The following NIPSNAP2 variants were observed in gnomAD, a reference collection of about 807,000 sequenced individuals.
The protein encoded by NIPSNAP2 is nipsnap homolog 2.
Under a neutral mutation model 48.4 loss-of-function variants are expected in NIPSNAP2, and 42 were observed. The ratio of observed to expected loss-of-function variants is 0.87; its 90% CI spans 0.68 to 1.12. NIPSNAP2 has a LOEUF of 1.12. NIPSNAP2 is among the 50% of genes most tolerant of loss of function. The pLI is 0.00. For missense variants in NIPSNAP2, 314 were observed against 347.3 expected, an observed-to-expected ratio of 0.90 and a Z score of 0.76; for synonymous variants, 158 against 126.6, an observed-to-expected ratio of 1.25 and a Z score of -1.67.
intron 7 of NIPSNAP2, among the ~76,000 whole-genome samples, chr7:55,994,670 G>A (rs1217694201): frequency 6.6e-6 from 1 of 152,168 alleles, no homozygotes; most frequent in African/African-American, 2.4e-5. Context: ...CTGAGATTGT[G>A]TCACTGCACT....
chr7:55,977,892 C>G (rs1335239037), intron 1 of NIPSNAP2, among the ~76,000 whole-genome samples: 1 of 152,162 alleles, frequency 6.6e-6, no homozygotes, highest in African/African-American at 2.4e-5. Flanking sequence ...TTGAAAAACA[C>G]ATAGTGCAAA....
At chr7:55,967,915 G>A (rs1584336506) in intron 1 of NIPSNAP2, among the ~76,000 whole-genome samples, 1 of 151,604 alleles carries the variant, frequency 6.6e-6, no homozygotes, top group African/African-American at 2.4e-5. Flanking sequence ...CTCCCAAAGT[G>A]CTGGCATTAC....
chr7:55,985,418 C>G (rs1414798237), intron 7 of NIPSNAP2, among the ~76,000 whole-genome samples: 2 of 152,022 alleles, frequency 1.3e-5, no homozygotes, highest in Admixed American at 1.3e-4. Context: ...GAATCCCTAT[C>G]AAACTCCCAG....
At chr7:55,978,307 C>T (rs1426391274) in intron 2 of NIPSNAP2, 42 bp downstream of exon 2, 6 of 1,612,644 alleles carry the variant, frequency 3.7e-6, no homozygotes, top group Non-Finnish European at 5.1e-6. Context: ...ACTTTTTTTC[C>T]CCTTTGTTCC....
At chr7:55,971,195 C>T (rs1048728900) in intron 1 of NIPSNAP2, among the ~76,000 whole-genome samples, 8 of 152,142 alleles carry the variant, frequency 5.3e-5, no homozygotes, top group African/African-American at 1.9e-4. Context: ...AGCTGCGACT[C>T]GAATGACTAG....
At position 55,981,506 on chromosome 7, in the gene NIPSNAP2, A is replaced by G; in HGVS notation, c.312A>G (p.Lys104=). ...TGTTGCCAAAGATTCACGAAGATAA[A>G]CACTACCCTTGTACTTTGGTGGGGA... ...QEVLPKIHED[K]HYPCTLVGTW... The change falls in exon 4 of 10, where the codon AAA becomes AAG. Residue 104 remains lysine (K), a synonymous_variant. Coordinates refer to ENST00000322090, the MANE Select transcript of NIPSNAP2 (RefSeq NM_001483.3). 1 of 1,613,974 alleles carries G rather than the reference A, an allele frequency of 6.2e-7. No homozygotes were observed. Among genetic ancestry groups the G allele is most frequent in the Non-Finnish European group, 8.5e-7 (1 of 1,179,916 alleles).
At chr7:55,986,598 G>T (rs1372067528) in intron 7 of NIPSNAP2, among the ~76,000 whole-genome samples, 1 of 151,982 alleles carries the variant, frequency 6.6e-6, no homozygotes, top group Non-Finnish European at 1.5e-5. Flanking sequence ...GGAGACAGAG[G>T]TTGTAGTGAG....
At chr7:55,997,776 CT>C (rs1357806074) in intron 9 of NIPSNAP2, among the ~76,000 whole-genome samples, 6 of 152,048 alleles carry the variant, frequency 3.9e-5, no homozygotes, top group African/African-American at 9.7e-5. Flanking sequence ...TTTTTCTAAG[CT>C]TTCCTTTTCC....
intron 3 of NIPSNAP2, chr7:55,981,260 G>A (rs2116350384): frequency 7.4e-6 from 3 of 402,862 alleles, no homozygotes; most frequent in African/African-American, 2.0e-5. Context: ...GATAGTTGGG[G>A]TATCAGAAAC....
Position 55,964,700 on chromosome 7 carries a change from C to A in NIPSNAP2, c.91C>A (p.Arg31=), listed in dbSNP as rs1372580691. ...CCCCTGCAGCCTCCTGCCCAGGCTC[C>A]GGTGAGCAGCGCCGCCCTTCCCGGG... ...AAPCSLLPRL[R]TWTSSSNRSR... Residue 31 remains arginine, a splice_region_variant and synonymous_variant, in exon 1 of 10, where the codon CGG becomes AGG. Coordinates refer to ENST00000322090, the MANE Select transcript of NIPSNAP2 (RefSeq NM_001483.3). 24 of 1,121,326 alleles carry A rather than the reference C, an allele frequency of 2.1e-5. No individual in the cohort carries two copies. Among genetic ancestry groups the A allele is most frequent in the Non-Finnish European group, 2.6e-5 (24 of 917,116 alleles). The allele number at this position is 1,121,326 out of a possible 1,614,324, so 69.5% of individuals were successfully genotyped here.
intron 3 of NIPSNAP2, 117 bp from the exon 4 acceptor site, chr7:55,981,356 A>G: frequency 1.4e-6 from 1 of 702,406 alleles, no homozygotes; most frequent in Non-Finnish European, 2.6e-6. Context: ...ATGATGTTCT[A>G]AGGTCAGTTG....
intron 3 of NIPSNAP2, chr7:55,979,108 A>G (rs937174175): frequency 3.9e-5 from 6 of 152,300 alleles, no homozygotes. Context: ...TTTTGTCCCT[A>G]TAATCAGCAT....
chr7:55,975,592 G>A lies in NIPSNAP2; in HGVS notation c.93-2534G>A, dbSNP rs139239256. On this transcript the variant is annotated intron_variant, in intron 1 of 9. Coordinates refer to ENST00000322090, the MANE Select transcript of NIPSNAP2 (RefSeq NM_001483.3). ...ATTATAAAAGGATTAACTTCAAGGG[G>A]TGAAGAAGCTGTTGTGATGCTGGTT... is the stretch of plus-strand genomic sequence containing the variant. Among the ~76,000 whole-genome samples, 582 of 152,280 alleles carry A rather than the reference G, an allele frequency of 3.8e-3. 9 individuals are homozygous for A. The highest frequency in any genetic ancestry group is 0.013 in the African/African-American group (550 of 41,570).
chr7:55,995,436 A>G (rs950162922), intron 8 of NIPSNAP2, among the ~76,000 whole-genome samples: 2 of 151,932 alleles, frequency 1.3e-5, no homozygotes, highest in Non-Finnish European at 2.9e-5. Context: ...CACCATTTCC[A>G]TCCCCACACA....
At chr7:55,981,664 C>A in intron 4 of NIPSNAP2, 97 bp downstream of exon 4, 1 of 704,882 alleles carries the variant, frequency 1.4e-6, no homozygotes. Context: ...ATCATCAAAG[C>A]TTTCCAAGTC....
At chr7:55,989,205 AAAACACAAG>A (rs1310079084) in intron 7 of NIPSNAP2, among the ~76,000 whole-genome samples, 3 of 152,240 alleles carry the variant, frequency 2.0e-5, no homozygotes, top group Admixed American at 6.5e-5. Flanking sequence ...CCTTAAATTC[AAAACACAAG>A]AAACACAAGA....
chr7:55,987,766 G>A (rs62456653), intron 7 of NIPSNAP2, among the ~76,000 whole-genome samples: 27,264 of 152,130 alleles, frequency 0.18, 2,845 homozygotes, highest in Non-Finnish European at 0.23. Flanking sequence ...CAAAATCATA[G>A]AAACAGAAAG....
At chr7:55,982,303 A>G in intron 5 of NIPSNAP2, 23 bp downstream of exon 5, 3 of 1,350,734 alleles carry the variant, frequency 2.2e-6, no homozygotes, top group Non-Finnish European at 3.2e-6. Flanking sequence ...AAAAATGTTT[A>G]CTTAGACTAA....
chr7:55,984,752 T>TTTTGTCAC (rs1787291910), intron 6 of NIPSNAP2, 95 bp from the exon 7 acceptor site: 2 of 1,028,826 alleles, frequency 1.9e-6, no homozygotes, highest in East Asian at 4.8e-5. Context: ...TTGAAGTTAG[T>TTTTGTCAC]TTTGTCACTT....
Sources: allele counts gnomAD v4.1 joint callset (sites outside exome capture counted in the v4.1 genomes callset), GRCh38; gene constraint gnomAD v4.1.1; transcripts MANE v1.5; gene names NCBI Gene and HGNC (gene_info 2026-07-23, HGNC 2026-07-21).